Variants in TLN2 observed in about 807,000 individuals in gnomAD.
TLN2 encodes talin 2.
In TLN2, 118 loss-of-function variants were observed where a neutral mutation model predicts 294.7. That is an observed-to-expected ratio of 0.40 (90% CI 0.34 to 0.47). The LOEUF (loss-of-function observed/expected upper bound fraction) is 0.47. TLN2 is among the 20% of genes least tolerant of loss of function. TLN2 has a pLI of 0.84. For missense variants in TLN2, 3,083 were observed against 3,282.2 expected (o/e 0.94, Z 1.48); for synonymous variants, 1,431 against 1,304.5 (o/e 1.10, Z -2.09).
chr15:62,713,189 T>C (rs2059531790), intron 22 of TLN2, among the ~76,000 whole-genome samples: 1 of 144,886 alleles, frequency 6.9e-6, no homozygotes, highest in Admixed American at 7.3e-5. Context: ...GAAAATTGTT[T>C]GAACCCAGGA....
chr15:62,698,683 T>G, intron 15 of TLN2, 71 bp from the exon 16 acceptor site: 1 of 1,319,860 alleles, frequency 7.6e-7, no homozygotes, highest in South Asian at 1.2e-5. Context: ...CTGTTTTGCT[T>G]TGTTTTGCAT....
At chr15:62,468,331 C>T (rs1301809921) in intron 1 of TLN2, among the ~76,000 whole-genome samples, 4 of 152,002 alleles carry the variant, frequency 2.6e-5, no homozygotes, top group African/African-American at 4.8e-5. Flanking sequence ...GCTGTGGGGT[C>T]CATGTGAAAG....
intron 17 of TLN2, 70 bp from the exon 18 acceptor site, chr15:62,701,922 G>C: frequency 6.4e-7 from 1 of 1,555,326 alleles, no homozygotes; most frequent in Admixed American, 1.7e-5. Context: ...TCCTGCCAGT[G>C]TGGGGTTTTG....
chr15:62,830,821 T>A (rs547328220), intron 54 of TLN2: 1 of 152,284 alleles, frequency 6.6e-6, no homozygotes, highest in African/African-American at 2.4e-5. Context: ...CCCTGTGCCA[T>A]CCCAGTCAGC....
chr15:62,428,704 C>T (rs544396239), intron 1 of TLN2, among the ~76,000 whole-genome samples: 1 of 152,250 alleles, frequency 6.6e-6, no homozygotes, highest in Non-Finnish European at 1.5e-5. Flanking sequence ...GCTTATTTCT[C>T]TAAAGAGATG....
intron 1 of TLN2, among the ~76,000 whole-genome samples, chr15:62,513,051 T>C (rs1190537206): frequency 1.3e-5 from 2 of 152,164 alleles, no homozygotes; most frequent in African/African-American, 4.8e-5. Context: ...AATCTCTCAA[T>C]ATCCCCCTTT....
rs371655177 is a variant in TLN2 at position 62,838,939 on chromosome 15, C to T, written c.7458C>T (p.Asp2486=). Reference sequence around the variant, plus strand: ...CAGCTTTTGGCAAAGCTGATGACGACGATGTTGTAGTGAAAACCAAGTTTG... The same window carrying T: ...CAGCTTTTGGCAAAGCTGATGACGATGATGTTGTAGTGAAAACCAAGTTTG... The part of the protein sequence containing the change: ...QKAAFGKADD[D]DVVVKTKFVG... The change falls in exon 58 of 59, where the codon GAC becomes GAT. Residue 2486 remains aspartate (D), a synonymous_variant. Coordinates refer to ENST00000636159, the MANE Select transcript of TLN2 (RefSeq NM_015059.3). 1.2e-4 allele frequency: 192 copies of T among 1,613,958 alleles called. No homozygotes were observed. Among genetic ancestry groups the T allele is most frequent in the African/African-American group, 1.5e-4 (11 of 74,876 alleles).
At chr15:62,647,139 G>A (rs959478404) in intron 3 of TLN2, 136 bp from the exon 4 acceptor site, 15 of 840,960 alleles carry the variant, frequency 1.8e-5, no homozygotes, top group Non-Finnish European at 2.7e-5. Context: ...TGTACCTAAA[G>A]TGTACTCTTT....
At chr15:62,673,072 T>TTTGTGTGTGTGTGTGTGTG (rs1555464936) in intron 9 of TLN2, among the ~76,000 whole-genome samples, 1 of 144,798 alleles carries the variant, frequency 6.9e-6, no homozygotes, top group African/African-American at 2.5e-5. Flanking sequence ...CCTAATTTAA[T>TTTGTGTGTGTGTGTGTGTG]TGTGTGTGTG....
At chr15:62,518,230 G>C (rs1415873814) in intron 1 of TLN2, among the ~76,000 whole-genome samples, 1 of 152,098 alleles carries the variant, frequency 6.6e-6, no homozygotes, top group Non-Finnish European at 1.5e-5. Flanking sequence ...GTAGAGTCGG[G>C]GTTTCACCAT....
At chr15:62,811,759 C>T (rs952600187) in intron 52 of TLN2, among the ~76,000 whole-genome samples, 1 of 152,094 alleles carries the variant, frequency 6.6e-6, no homozygotes. Context: ...ATGCCTGAAT[C>T]CCAGCACTTT....
At chr15:62,624,894 G>A (rs1236332179) in intron 3 of TLN2, among the ~76,000 whole-genome samples, 2 of 152,226 alleles carry the variant, frequency 1.3e-5, no homozygotes, top group Non-Finnish European at 2.9e-5. Context: ...GATTAAGCCT[G>A]TCTTAATCAG....
chr15:62,702,950 T>A (rs1414304858), intron 19 of TLN2, 86 bp downstream of exon 19: 4 of 1,233,920 alleles, frequency 3.2e-6, no homozygotes, highest in Non-Finnish European at 4.7e-6. Flanking sequence ...ATTTGAAAAC[T>A]AACTAAATCT....
At chr15:62,598,009 G>A (rs957036981) in intron 2 of TLN2, among the ~76,000 whole-genome samples, 7 of 152,168 alleles carry the variant, frequency 4.6e-5, no homozygotes, top group Non-Finnish European at 8.8e-5. Context: ...TGCTCAACCT[G>A]TATTGGAGAA....
chr15:62,665,104 A>C (rs1440521357), intron 9 of TLN2, among the ~76,000 whole-genome samples: 2 of 151,972 alleles, frequency 1.3e-5, no homozygotes, highest in Non-Finnish European at 2.9e-5. Flanking sequence ...ACAAGGTGTC[A>C]CTCTGTCACC....
chr15:62,750,583 T>TA, intron 34 of TLN2, 92 bp downstream of exon 34: 1 of 1,115,248 alleles, frequency 9.0e-7, no homozygotes, highest in Non-Finnish European at 1.4e-6. Context: ...TGCCTGTGGC[T>TA]GGTCTGCAGG....
intron 1 of TLN2, among the ~76,000 whole-genome samples, chr15:62,405,877 G>A (rs1022168504): frequency 1.3e-5 from 2 of 152,226 alleles, no homozygotes; most frequent in Non-Finnish European, 2.9e-5. Context: ...CCCCGATCTT[G>A]TGACAGTAGC....
intron 1 of TLN2, among the ~76,000 whole-genome samples, chr15:62,492,543 C>CAAAAAAAAAA (rs35935035): frequency 4.7e-5 from 4 of 84,602 alleles, no homozygotes; most frequent in South Asian, 3.7e-4. Flanking sequence ...GACTCTGTCT[C>CAAAAAAAAAA]AAAAAAAAAA....
chr15:62,578,232 C>T (rs1318960503), intron 1 of TLN2, among the ~76,000 whole-genome samples: 1 of 152,128 alleles, frequency 6.6e-6, no homozygotes, highest in Non-Finnish European at 1.5e-5. Flanking sequence ...TACAAAATCT[C>T]ATCACCCAAC....
Sources: allele counts gnomAD v4.1 joint callset (sites outside exome capture counted in the v4.1 genomes callset), GRCh38; gene constraint gnomAD v4.1.1; transcripts MANE v1.5; gene names NCBI Gene and HGNC (gene_info 2026-07-23, HGNC 2026-07-21).